ADIPOR2: variants seen among roughly 807,000 people sequenced by gnomAD.
The protein encoded by ADIPOR2 is adiponectin receptor protein 2.
ADIPOR2 carries 18 observed loss-of-function variants against 40.9 expected under a neutral mutation model. The observed-to-expected ratio is 0.44, with a 90% confidence interval of 0.30 to 0.65. The LOEUF is 0.65. Among genes scored for constraint, ADIPOR2 ranks in the 30% least tolerant of loss-of-function variants. The pLI is 0.09. For synonymous variants in ADIPOR2, 165 were observed against 166.4 expected, an observed-to-expected ratio of 0.99 and a Z score of 0.06; for missense variants, 283 against 479.2, an observed-to-expected ratio of 0.59 and a Z score of 3.82.
chr12:1,733,925 A>G (rs1331635074), intron 1 of ADIPOR2, among the ~76,000 whole-genome samples: 1 of 152,172 alleles, frequency 6.6e-6, no homozygotes, highest in African/African-American at 2.4e-5. Flanking sequence ...ATGTCCCTAC[A>G]AAGGACATGA....
intron 2 of ADIPOR2, among the ~76,000 whole-genome samples, chr12:1,763,868 A>G (rs923061875): frequency 6.6e-6 from 1 of 152,176 alleles, no homozygotes; most frequent in Non-Finnish European, 1.5e-5. Flanking sequence ...AGTCCCAGCT[A>G]CTTGGGAGGC....
intron 4 of ADIPOR2, among the ~76,000 whole-genome samples, chr12:1,779,578 ATTAG>A (rs754542203): frequency 3.5e-4 from 54 of 152,242 alleles, no homozygotes; most frequent in Non-Finnish European, 5.6e-4. Context: ...ATATTTTGGA[ATTAG>A]TTAGTGGTGA....
chr12:1,782,424 G>C (rs1862735949), intron 6 of ADIPOR2, among the ~76,000 whole-genome samples: 3 of 152,214 alleles, frequency 2.0e-5, no homozygotes, highest in South Asian at 4.1e-4. Context: ...TCAAAATGTA[G>C]GAGCAGTTAC....
intron 1 of ADIPOR2, among the ~76,000 whole-genome samples, chr12:1,700,300 T>C (rs2094647666): frequency 2.6e-5 from 4 of 152,222 alleles, no homozygotes; most frequent in Admixed American, 2.6e-4. Context: ...CACTTTAATC[T>C]TGTATGTTTT....
chr12:1,736,382 A>G (rs2094730748), intron 1 of ADIPOR2, among the ~76,000 whole-genome samples: 2 of 152,230 alleles, frequency 1.3e-5, no homozygotes, highest in South Asian at 4.1e-4. Flanking sequence ...TTATTTGCGT[A>G]GAGGTGTTTA....
intron 2 of ADIPOR2, among the ~76,000 whole-genome samples, chr12:1,771,433 T>C (rs1318207605): frequency 6.6e-6 from 1 of 151,144 alleles, no homozygotes; most frequent in African/African-American, 2.4e-5. Flanking sequence ...GTAGCAGTAA[T>C]GAAAGGTTGA....
chr12:1,709,343 A>T (rs2094671360), intron 1 of ADIPOR2, among the ~76,000 whole-genome samples: 1 of 152,126 alleles, frequency 6.6e-6, no homozygotes, highest in Admixed American at 6.6e-5. Flanking sequence ...TTTATTCCTA[A>T]TTATTTTAAG....
At chr12:1,756,249 C>G (rs369657891) in intron 2 of ADIPOR2, among the ~76,000 whole-genome samples, 4 of 152,106 alleles carry the variant, frequency 2.6e-5, no homozygotes, top group Non-Finnish European at 4.4e-5. Context: ...CTCCCAGGTT[C>G]AAGTGATTCT....
At chr12:1,702,349 G>T (rs966461249) in intron 1 of ADIPOR2, among the ~76,000 whole-genome samples, 13 of 152,124 alleles carry the variant, frequency 8.5e-5, no homozygotes, top group Non-Finnish European at 1.6e-4. Flanking sequence ...GATTTTGGAG[G>T]TTATGGGAAT....
At chr12:1,758,148 TG>T (rs1315793932) in intron 2 of ADIPOR2, 3 of 442,616 alleles carry the variant, frequency 6.8e-6, no homozygotes, top group African/African-American at 5.9e-5. Context: ...CTGTCTTCAC[TG>T]GTTGAAGTGG....
intron 7 of ADIPOR2, among the ~76,000 whole-genome samples, chr12:1,784,968 C>T (rs1050896180): frequency 8.5e-5 from 13 of 152,150 alleles, no homozygotes; most frequent in Admixed American, 8.5e-4. Flanking sequence ...TTTCTAGCTT[C>T]AAATTAGCTA....
At chr12:1,734,482 T>G (rs2094726469) in intron 1 of ADIPOR2, among the ~76,000 whole-genome samples, 1 of 152,214 alleles carries the variant, frequency 6.6e-6, no homozygotes, top group Non-Finnish European at 1.5e-5. Flanking sequence ...TGTAAATTTG[T>G]TTGAGTTCAT....
At chr12:1,741,791 A>G (rs963158807) in intron 1 of ADIPOR2, among the ~76,000 whole-genome samples, 1 of 152,204 alleles carries the variant, frequency 6.6e-6, no homozygotes, top group Non-Finnish European at 1.5e-5. Flanking sequence ...ATGACTATGC[A>G]TGCAATTAAG....
At chr12:1,759,909 C>T (rs150477749) in intron 2 of ADIPOR2, among the ~76,000 whole-genome samples, 202 of 152,118 alleles carry the variant, frequency 1.3e-3, no homozygotes, top group East Asian at 3.9e-3. Flanking sequence ...CCTATAATCC[C>T]GGCTACTTTG....
intron 1 of ADIPOR2, among the ~76,000 whole-genome samples, chr12:1,693,595 ACG>A (rs2094631964): frequency 6.6e-6 from 1 of 150,482 alleles, no homozygotes; most frequent in Admixed American, 6.6e-5. Flanking sequence ...GTGCAATGGC[ACG>A]ATCTTGGCTC....
intron 1 of ADIPOR2, among the ~76,000 whole-genome samples, chr12:1,740,789 C>T (rs2094741320): frequency 6.6e-6 from 1 of 152,106 alleles, no homozygotes; most frequent in South Asian, 2.1e-4. Flanking sequence ...CAAGATTTGA[C>T]ACTTAAGAGG....
In ADIPOR2 at chr12:1,783,237, T is replaced by G. The variant is rs984023391; in HGVS notation, c.839-643T>G. 3.3e-5 allele frequency among the ~76,000 whole-genome samples: 5 copies of G among 152,034 alleles called. 1 individual carries two copies. Among genetic ancestry groups the G allele is most frequent in the African/African-American group, 1.2e-4 (5 of 41,400 alleles). ...TGCTTCAAAGAGAAGATGGGATACG[T>G]AAAATTGCTTGTATTGTAACCTGTG... On this transcript the variant is annotated intron_variant, in intron 6 of 7. Transcript: ENST00000357103.
At position 1,787,365 on chromosome 12, in the gene ADIPOR2, A is replaced by C. The variant is rs1862858880; in HGVS notation, c.*1293A>C. On this transcript the variant is annotated 3_prime_UTR_variant, in exon 8 of 8. Coordinates refer to ENST00000357103, the MANE Select transcript of ADIPOR2 (RefSeq NM_024551.3). ...GACACCTCGGCTCTCCTTGAATAAGAAAGCCAGCAGAACTCTTAAAGCCAG... is the reference window on the plus strand; with the variant it reads ...GACACCTCGGCTCTCCTTGAATAAGCAAGCCAGCAGAACTCTTAAAGCCAG... 2 of 152,268 alleles carry C rather than the reference A, an allele frequency of 1.3e-5. No homozygotes were observed. Among genetic ancestry groups the C allele is most frequent in the African/African-American group, 4.8e-5 (2 of 41,470 alleles). 9.4% of individuals were successfully genotyped at this position (152,268 alleles called of 1,614,324 possible). A position where few individuals can be genotyped will look rare whatever the true frequency, so the allele number is the denominator to read the frequency against.
At chr12:1,770,066 C>T (rs1214444570) in intron 2 of ADIPOR2, among the ~76,000 whole-genome samples, 1 of 151,848 alleles carries the variant, frequency 6.6e-6, no homozygotes, top group Non-Finnish European at 1.5e-5. Context: ...TGCAGACAGG[C>T]ACGCAACACC....
Sources: allele counts gnomAD v4.1 joint callset (sites outside exome capture counted in the v4.1 genomes callset), GRCh38; gene constraint gnomAD v4.1.1; transcripts MANE v1.5; gene names NCBI Gene and HGNC (gene_info 2026-07-23, HGNC 2026-07-21).